The following BTLA variants were observed in gnomAD, a reference collection of about 807,000 sequenced individuals.
BTLA encodes the protein B and T lymphocyte associated, also known as B- and T-lymphocyte attenuator.
A neutral mutation model predicts 25.0 loss-of-function variants in BTLA; 11 were observed. The observed-to-expected ratio is 0.44, with a 90% CI of 0.28 to 0.73. The LOEUF (loss-of-function observed/expected upper bound fraction) is 0.73, where lower values mean the gene tolerates loss of function less well. Among genes scored for constraint, BTLA ranks in the 30% least tolerant of loss-of-function variants. BTLA has a pLI of 0.15. For synonymous variants in BTLA, 104 were observed against 119.8 expected, an observed-to-expected ratio of 0.87 and a Z score of 0.86; for missense variants, 282 against 332.8, an observed-to-expected ratio of 0.85 and a Z score of 1.19.
At chr3:112,495,790 C>G (rs1214024182) in intron 1 of BTLA, among the ~76,000 whole-genome samples, 1 of 151,950 alleles carries the variant, frequency 6.6e-6, no homozygotes, top group Non-Finnish European at 1.5e-5. Flanking sequence ...ATTTTTTGAC[C>G]CAAAGATATG....
In BTLA at chr3:112,499,333, C is replaced by A. The variant is rs140948721; in HGVS notation, c.26G>T (p.Gly9Val). The A allele has an allele frequency of 2.5e-6, 4 of 1,613,690 alleles. No homozygotes were observed. In the African/African-American group the frequency reaches 4.0e-5, roughly 16 times the overall value. MKTLPAML[G>V]TGKLFWVFFL... ...GAAGACCCAAAATAATTTCCCAGTT[C>A]CAAGCATGGCAGGCAATGTCTTCAT... Residue 9 changes from glycine (G) to valine (V), a missense_variant, in exon 1 of 5, where the codon GGA becomes GTA. Gly to Val is a moderately radical substitution (Grantham distance 109). Coordinates refer to ENST00000334529, the MANE Select transcript of BTLA (RefSeq NM_181780.4).
intron 1 of BTLA, 47 bp downstream of exon 1, chr3:112,499,224 G>A: frequency 7.4e-7 from 1 of 1,351,442 alleles, no homozygotes. Context: ...TTGCCTCCAA[G>A]ACCCCCTGAG....
intron 1 of BTLA, among the ~76,000 whole-genome samples, chr3:112,487,983 G>C (rs949532659): frequency 2.6e-5 from 4 of 152,106 alleles, no homozygotes; most frequent in African/African-American, 9.7e-5. Context: ...AGAACCTGGG[G>C]AGCCATCTTA....
At chr3:112,472,237 C>T (rs2082266455) in intron 2 of BTLA, among the ~76,000 whole-genome samples, 1 of 152,084 alleles carries the variant, frequency 6.6e-6, no homozygotes, top group Non-Finnish European at 1.5e-5. Context: ...ATTATCCAGA[C>T]CAAAGTGTCA....
intron 1 of BTLA, among the ~76,000 whole-genome samples, chr3:112,492,437 C>T (rs775564354): frequency 7.2e-5 from 11 of 152,170 alleles, no homozygotes; most frequent in Non-Finnish European, 1.6e-4. Context: ...ACAGTAGCAT[C>T]AGTGAGTGCC....
intron 1 of BTLA, among the ~76,000 whole-genome samples, chr3:112,487,254 C>T (rs1403190433): frequency 6.6e-6 from 1 of 152,192 alleles, no homozygotes; most frequent in African/African-American, 2.4e-5. Context: ...TATTTCACCT[C>T]TGACATTGTT....
chr3:112,464,418 A>G lies in BTLA; in HGVS notation c.*1690T>C. On this transcript the variant is annotated 3_prime_UTR_variant, in exon 5 of 5. Coordinates refer to ENST00000334529, the MANE Select transcript of BTLA (RefSeq NM_181780.4). ...TGTTTCTATTTTTAAGAATACCACA[A>G]GCAGCTATTCTAACATGTCTTTCTT... The G allele has an allele frequency of 2.9e-6, 1 of 342,442 alleles. No individual in the cohort carries two copies. The highest frequency in any genetic ancestry group is 5.3e-6 in the Non-Finnish European group (1 of 189,360). 21.2% of individuals were successfully genotyped at this position (342,442 alleles called of 1,614,324 possible). A position where few individuals can be genotyped will look rare whatever the true frequency, so the allele number is the denominator to read the frequency against.
chr3:112,479,882 A>G (rs1576683375), intron 1 of BTLA, 113 bp from the exon 2 acceptor site: 6 of 792,224 alleles, frequency 7.6e-6, no homozygotes, highest in South Asian at 3.9e-5. Context: ...CAACCCCCCA[A>G]TTTCTAGTAA....
Position 112,469,781 on chromosome 3 carries a change from T to C in BTLA, c.571A>G (p.Thr191Ala). 1.2e-6 allele frequency: 2 copies of C among 1,610,834 alleles called. No homozygotes were observed. The highest frequency in any genetic ancestry group is 8.5e-7 in the Non-Finnish European group (1 of 1,179,298). ...HQGKQNELSD[T>A]AGREINLVDA... ...ACCAGGTTAATTTCCCTTCCTGCTG[T>C]GTCAGAGAGTTCATTTTGCTTTCCT... The change falls in exon 4 of 5, where the codon ACA becomes GCA. Residue 191 changes from threonine to alanine, a missense_variant. Thr to Ala is a moderately conservative substitution (Grantham distance 58). Coordinates refer to ENST00000334529, the MANE Select transcript of BTLA (RefSeq NM_181780.4).
intron 1 of BTLA, among the ~76,000 whole-genome samples, chr3:112,483,726 G>A (rs1253225576): frequency 6.6e-6 from 1 of 151,928 alleles, no homozygotes; most frequent in Non-Finnish European, 1.5e-5. Flanking sequence ...CCAGCACTTT[G>A]GGAGGCCGAG....
At chr3:112,472,840 T>C (rs2082270176) in intron 2 of BTLA, among the ~76,000 whole-genome samples, 1 of 152,102 alleles carries the variant, frequency 6.6e-6, no homozygotes, top group South Asian at 2.1e-4. Flanking sequence ...TGTCTATTGA[T>C]GTTGCAGCTG....
At chr3:112,477,818 G>A (rs763846040) in intron 2 of BTLA, among the ~76,000 whole-genome samples, 1 of 151,874 alleles carries the variant, frequency 6.6e-6, no homozygotes, top group African/African-American at 2.4e-5. Flanking sequence ...TGAGATGAGG[G>A]TTCAAATTAA....
At chr3:112,474,127 T>C (rs1311073529) in intron 2 of BTLA, among the ~76,000 whole-genome samples, 2 of 152,186 alleles carry the variant, frequency 1.3e-5, no homozygotes, top group African/African-American at 4.8e-5. Flanking sequence ...TGTTCTTACA[T>C]GAACTTTTAA....
chr3:112,481,307 G>T (rs923386871), intron 1 of BTLA, among the ~76,000 whole-genome samples: 16 of 152,210 alleles, frequency 1.1e-4, no homozygotes, highest in African/African-American at 3.6e-4. Context: ...GGGCCCTCAG[G>T]CTGTCCACAA....
chr3:112,478,304 C>T (rs1281689967), intron 2 of BTLA, among the ~76,000 whole-genome samples: 2 of 152,094 alleles, frequency 1.3e-5, no homozygotes, highest in Non-Finnish European at 2.9e-5. Context: ...GAATTTCTTT[C>T]AGCCATGCTT....
intron 2 of BTLA, among the ~76,000 whole-genome samples, chr3:112,476,604 G>T (rs957896488): frequency 6.6e-6 from 1 of 152,072 alleles, no homozygotes; most frequent in Non-Finnish European, 1.5e-5. Context: ...CAATTTATGA[G>T]CAACAAAAGA....
intron 3 of BTLA, 95 bp from the exon 4 acceptor site, chr3:112,469,899 G>T (rs934566190): frequency 2.3e-5 from 22 of 977,012 alleles, no homozygotes; most frequent in Non-Finnish European, 2.4e-5. Context: ...GAATGCCAGG[G>T]ATAGTGTTGT....
chr3:112,470,723 T>C (rs142113287), intron 3 of BTLA, among the ~76,000 whole-genome samples: 79 of 152,334 alleles, frequency 5.2e-4, no homozygotes, highest in African/African-American at 1.9e-3. Flanking sequence ...ATGTTTATAA[T>C]GGCAATAGAA....
intron 2 of BTLA, among the ~76,000 whole-genome samples, chr3:112,472,748 G>T (rs1374105293): frequency 6.6e-6 from 1 of 152,050 alleles, no homozygotes; most frequent in East Asian, 1.9e-4. Context: ...TTGGCTAGAT[G>T]CTTAGGTTTG....
Sources: gnomAD v4.1 joint callset for allele counts (sites outside exome capture counted in the v4.1 genomes callset) on GRCh38, gnomAD v4.1.1 for gene constraint, MANE v1.5 for transcripts, NCBI Gene and HGNC (gene_info 2026-07-23, HGNC 2026-07-21) for gene names.